Variants in LTAP1 observed in about 807,000 individuals in gnomAD.
The protein encoded by LTAP1 is lipid transport auxiliary protein 1.
the LTAP1 span, chr1:154,214,342 A>T: frequency 1.4e-6 from 1 of 724,380 alleles, no homozygotes; most frequent in Non-Finnish European, 2.4e-6. Context: ...TCTAACATAT[A>T]TCCAATAACA....
the LTAP1 span, chr1:154,212,086 A>G: frequency 6.5e-5 from 31 of 479,594 alleles, no homozygotes; most frequent in African/African-American, 5.7e-4. Context: ...CGGATTCCCA[A>G]CCTCAGATGA....
chr1:154,210,678 C>T, the LTAP1 span, among the ~76,000 whole-genome samples: 1 of 151,984 alleles, frequency 6.6e-6, no homozygotes. Flanking sequence ...GGGGTTTCAC[C>T]ATGTTGGTTA....
chr1:154,219,249 G>C, the LTAP1 span, among the ~76,000 whole-genome samples: 2 of 152,340 alleles, frequency 1.3e-5, no homozygotes, highest in Non-Finnish European at 2.9e-5. Flanking sequence ...ACTCAGGAAA[G>C]AGTTCTAGGA....
chr1:154,215,696 CTT>C, the LTAP1 span, among the ~76,000 whole-genome samples: 2 of 152,072 alleles, frequency 1.3e-5, no homozygotes, highest in African/African-American at 4.8e-5. Context: ...TTTGTTGTAA[CTT>C]TTTACAAACT....
At chr1:154,220,410 C>G in the LTAP1 span, 2 of 1,614,230 alleles carry the variant, frequency 1.2e-6, no homozygotes, top group Non-Finnish European at 1.7e-6. Context: ...GACGCCATGG[C>G]CTCCCTACCT....
chr1:154,209,262 TTCTGTC>T, the LTAP1 span, among the ~76,000 whole-genome samples: 2 of 151,882 alleles, frequency 1.3e-5, no homozygotes, highest in Non-Finnish European at 2.9e-5. Context: ...TCATTCTACT[TTCTGTC>T]TCTGAGTTTG....
chr1:154,220,212 T>A, the LTAP1 span: 1 of 1,155,572 alleles, frequency 8.7e-7, no homozygotes, highest in Admixed American at 1.8e-5. Flanking sequence ...CACCTACTCC[T>A]GGAATAAGGA....
the LTAP1 span, chr1:154,211,685 TGA>T: frequency 4.6e-5 from 7 of 152,258 alleles, no homozygotes; most frequent in African/African-American, 1.7e-4. Context: ...AAAGGGACGC[TGA>T]GACTCTGAAG....
At chr1:154,217,204 C>T in the LTAP1 span, among the ~76,000 whole-genome samples, 2 of 152,164 alleles carry the variant, frequency 1.3e-5, no homozygotes, top group African/African-American at 2.4e-5. Flanking sequence ...CTGCCTCAGC[C>T]TCCCAAAGTG....
chr1:154,215,499 G>C, the LTAP1 span, among the ~76,000 whole-genome samples: 1 of 151,164 alleles, frequency 6.6e-6, no homozygotes. Flanking sequence ...CCGGGAGGCA[G>C]AGCTTGCAGT....
At chr1:154,214,544 A>T in the LTAP1 span, 1 of 1,613,522 alleles carries the variant, frequency 6.2e-7, no homozygotes, top group South Asian at 1.1e-5. Context: ...TGAACCCTGG[A>T]GAGTCGAATA....
At chr1:154,213,679 T>TA in the LTAP1 span, among the ~76,000 whole-genome samples, 5 of 152,168 alleles carry the variant, frequency 3.3e-5, no homozygotes, top group African/African-American at 9.7e-5. Flanking sequence ...AGAAGAACTT[T>TA]AAAAAACAAA....
the LTAP1 span, among the ~76,000 whole-genome samples, chr1:154,209,423 G>GT: frequency 9.7e-3 from 983 of 101,806 alleles, 18 homozygotes; most frequent in Middle Eastern, 0.02. Context: ...GCTCTAAGCA[G>GT]TTTTTTTTTT....
At chr1:154,212,565 A>G in the LTAP1 span, 1 of 1,614,226 alleles carries the variant, frequency 6.2e-7, no homozygotes, top group South Asian at 1.1e-5. Flanking sequence ...AGCAGGTAGG[A>G]GCGGAAATTC....
chr1:154,207,709 T>C, the LTAP1 span: 1 of 1,356,352 alleles, frequency 7.4e-7, no homozygotes, highest in Non-Finnish European at 1.0e-6. Flanking sequence ...AATCAGGGCT[T>C]ATCCCAGGCC....
chr1:154,215,105 A>G, the LTAP1 span, among the ~76,000 whole-genome samples: 1 of 151,776 alleles, frequency 6.6e-6, no homozygotes, highest in Admixed American at 6.6e-5. Context: ...TTGGCCTCCC[A>G]AAGTGCTGGG....
the LTAP1 span, among the ~76,000 whole-genome samples, chr1:154,218,155 T>C: frequency 6.6e-6 from 1 of 152,200 alleles, no homozygotes; most frequent in Non-Finnish European, 1.5e-5. Context: ...TTATGAACAA[T>C]GCCCCTATAA....
At chr1:154,218,648 G>C in the LTAP1 span, among the ~76,000 whole-genome samples, 5 of 152,312 alleles carry the variant, frequency 3.3e-5, no homozygotes, top group East Asian at 9.6e-4. Flanking sequence ...AAATTACAGA[G>C]TACCTGCTAT....
At chr1:154,211,570 C>A in the LTAP1 span, among the ~76,000 whole-genome samples, 2 of 142,668 alleles carry the variant, frequency 1.4e-5, no homozygotes, top group Non-Finnish European at 3.1e-5. Context: ...CTCTTGACCT[C>A]ATGATTCGCC....
Sources: allele counts gnomAD v4.1 joint callset (sites outside exome capture counted in the v4.1 genomes callset), GRCh38; gene constraint gnomAD v4.1.1; transcripts MANE v1.5; gene names NCBI Gene and HGNC (gene_info 2026-07-23, HGNC 2026-07-21).